Variants in DEUP1 observed in about 807,000 individuals in gnomAD.
The protein encoded by DEUP1 is coiled-coil domain containing 67.
DEUP1 carries 82 observed loss-of-function variants against 87.4 expected under a neutral mutation model. The observed-to-expected ratio is 0.94, with a 90% confidence interval of 0.78 to 1.13. The LOEUF is 1.13. DEUP1 is among the 50% of genes most tolerant of loss of function. The pLI is 0.00. For missense variants in DEUP1, 663 were observed against 681.5 expected (o/e 0.97, Z 0.30); for synonymous variants, 214 against 222.7 (o/e 0.96, Z 0.35).
chr11:93,437,060 C>T (rs1435694679), intron 13 of DEUP1, among the ~76,000 whole-genome samples: 2 of 152,144 alleles, frequency 1.3e-5, no homozygotes, highest in Non-Finnish European at 2.9e-5. Flanking sequence ...GCCACCTCCA[C>T]CCCAAGACAC....
At position 93,389,262 on chromosome 11, in the gene DEUP1, T is replaced by G. The variant is rs754903164; in HGVS notation, c.1041+137T>G. ...TTTGTAAGGTGATAATCTACCAAGCTGCTAATTCCGACATTTTTCTGTGTG... is the reference window on the plus strand; with the variant it reads ...TTTGTAAGGTGATAATCTACCAAGCGGCTAATTCCGACATTTTTCTGTGTG... On this transcript the variant is annotated intron_variant, in intron 9 of 13. Transcript: ENST00000298050. 129 of 626,896 alleles carry G rather than the reference T, an allele frequency of 2.1e-4. 1 individual carries two copies. The highest frequency in any genetic ancestry group is 8.1e-4 in the Middle Eastern group (2 of 2,458). 38.8% of individuals were successfully genotyped at this position (626,896 alleles called of 1,614,324 possible).
At position 93,355,353 on chromosome 11, in the gene DEUP1, C is replaced by T. The variant is rs1944845389; in HGVS notation, c.30-18C>T. 2.5e-6 allele frequency: 4 copies of T among 1,609,976 alleles called. No homozygotes were observed. The South Asian group carries it at 3.3e-5, about 13-fold the overall frequency. The stretch of plus-strand genomic sequence containing the variant: ...TTTCACTACTTTAAAATGTATTTTA[C>T]TTTCCTACAATTGCCAGAACTTCTC... On this transcript the variant is annotated intron_variant, in intron 2 of 13. Transcript: ENST00000298050.
intron 13 of DEUP1, chr11:93,415,336 T>C (rs1406676264): frequency 1.1e-5 from 3 of 280,256 alleles, no homozygotes; most frequent in African/African-American, 2.2e-5. Flanking sequence ...ATTATTAACC[T>C]CTAATGCAGG....
At chr11:93,383,474 T>C (rs2134315570) in intron 7 of DEUP1, 1 of 518,550 alleles carries the variant, frequency 1.9e-6, no homozygotes, top group Non-Finnish European at 3.4e-6. Flanking sequence ...AAGGGGAAAA[T>C]GGGGAGTGAC....
At chr11:93,396,950 C>T (rs376502497) in intron 11 of DEUP1, among the ~76,000 whole-genome samples, 1 of 151,938 alleles carries the variant, frequency 6.6e-6, no homozygotes, top group East Asian at 1.9e-4. Context: ...CTGTGCATCC[C>T]CTTTCAATTG....
intron 2 of DEUP1, among the ~76,000 whole-genome samples, chr11:93,340,268 A>T (rs563488363): frequency 6.6e-6 from 1 of 152,314 alleles, no homozygotes; most frequent in Admixed American, 6.5e-5. Flanking sequence ...AAAGTGAGAG[A>T]TGTAGACATC....
chr11:93,411,067 G>A (rs915908892), intron 12 of DEUP1: 1 of 152,200 alleles, frequency 6.6e-6, no homozygotes, highest in African/African-American at 2.4e-5. Context: ...AAATCCTACT[G>A]TGGGGAAAGA....
intron 2 of DEUP1, among the ~76,000 whole-genome samples, chr11:93,347,638 G>A (rs775089600): frequency 1.3e-5 from 2 of 152,130 alleles, no homozygotes; most frequent in Non-Finnish European, 2.9e-5. Context: ...AATCTTTCTG[G>A]TCCTGGGCTG....
At chr11:93,375,034 C>CTTTTTTTTTTT (rs60565734) in intron 7 of DEUP1, among the ~76,000 whole-genome samples, 1 of 126,592 alleles carries the variant, frequency 7.9e-6, no homozygotes, top group Non-Finnish European at 1.7e-5. Flanking sequence ...TTTTTCTTTT[C>CTTTTTTTTTTT]TTTTTTTTTT....
intron 5 of DEUP1, among the ~76,000 whole-genome samples, chr11:93,365,324 GT>G (rs1410032714): frequency 6.6e-6 from 1 of 151,938 alleles, no homozygotes; most frequent in African/African-American, 2.4e-5. Flanking sequence ...ATAATACATA[GT>G]TTTTTAAAAA....
chr11:93,350,998 T>G (rs1434338139), intron 2 of DEUP1, among the ~76,000 whole-genome samples: 1 of 148,064 alleles, frequency 6.8e-6, no homozygotes, highest in African/African-American at 2.5e-5. Flanking sequence ...ATATGAAAAT[T>G]TATTTTCATA....
At position 93,341,994 on chromosome 11, in the gene DEUP1, G is replaced by A. The variant is rs111308200; in HGVS notation, c.29+9706G>A. On this transcript the variant is annotated intron_variant, in intron 2 of 13. Transcript: ENST00000298050. ...AGGCCAGCATCTTCGGGTTTTTCTC[G>A]GCTTCATCCTCATCTCCTCTTTTTC... Among the ~76,000 whole-genome samples, 222 of 151,986 alleles carry A rather than the reference G, an allele frequency of 1.5e-3. 1 individual carries two copies. Among genetic ancestry groups the A allele is most frequent in the African/African-American group, 5.0e-3 (208 of 41,442 alleles).
In DEUP1 at chr11:93,393,024, C is replaced by CTCT. The variant is rs1946816703; in HGVS notation, c.1042-1435_1042-1434insTCT. Among the ~76,000 whole-genome samples the CTCT allele has an allele frequency of 2.2e-5, 3 of 133,550 alleles. No homozygotes were observed. The South Asian group carries it at 7.2e-4, about 32-fold the overall frequency. The allele number at this position is 133,550 out of a possible 152,430, so 87.6% of individuals were successfully genotyped here. A position where few individuals can be genotyped will look rare whatever the true frequency, so the allele number is the denominator to read the frequency against. ...TTCTTTCTCCTCCTCCTCCTCTGAGCCCTCCTCCTCCTCCTTCTACTTCTT... is the reference window on the plus strand; with the variant it reads ...TTCTTTCTCCTCCTCCTCCTCTGAGCTCTCCTCCTCCTCCTCCTTCTACTTCTT... On this transcript the variant is annotated intron_variant, in intron 9 of 13. Transcript: ENST00000298050.
intron 13 of DEUP1, among the ~76,000 whole-genome samples, chr11:93,428,184 T>G (rs1947989580): frequency 6.6e-6 from 1 of 151,954 alleles, no homozygotes; most frequent in Non-Finnish European, 1.5e-5. Context: ...AGCAAAGACT[T>G]GGAACCAACC....
chr11:93,356,826 C>A, intron 3 of DEUP1, 122 bp from the exon 4 acceptor site: 1 of 683,686 alleles, frequency 1.5e-6, no homozygotes, highest in Non-Finnish European at 2.6e-6. Context: ...AAGTGCAGTA[C>A]AAATATTTAC....
chr11:93,391,425 T>C (rs1305123230), intron 9 of DEUP1, among the ~76,000 whole-genome samples: 1 of 152,056 alleles, frequency 6.6e-6, no homozygotes, highest in East Asian at 1.9e-4. Context: ...AAAGTTCCAT[T>C]TTGGCCAGGT....
chr11:93,430,064 T>A lies in DEUP1; in HGVS notation c.1639-7479T>A, dbSNP rs184822497. The stretch of plus-strand genomic sequence containing the variant: ...AATGCACATTCTGAAGTATTCATCT[T>A]TCTTTCTTAATCTTGTTGTCTTGAT... On this transcript the variant is annotated intron_variant, in intron 13 of 13. Coordinates refer to ENST00000298050, the MANE Select transcript of DEUP1 (RefSeq NM_181645.4). Among the ~76,000 whole-genome samples, 60 of 152,304 alleles carry A rather than the reference T, an allele frequency of 3.9e-4. 1 individual carries two copies. Among genetic ancestry groups the A allele is most frequent in the African/African-American group, 1.4e-3 (58 of 41,582 alleles).
chr11:93,385,479 T>A lies in DEUP1; in HGVS notation c.871T>A (p.Leu291Met). The change falls in exon 8 of 14, where the codon TTG becomes ATG. Residue 291 changes from leucine (L) to methionine (M), a missense_variant. Leu to Met is a conservative substitution (Grantham distance 15, BLOSUM62 2). Coordinates refer to ENST00000298050, the MANE Select transcript of DEUP1 (RefSeq NM_181645.4). ...CTTGAGAATTATAGAAATGGAACGA[T>A]TGCAATTACACAGAGAATTATTAAA... ...DLLRIIEMER[L>M]QLHRELLKIG... 1 of 1,612,008 alleles carries A rather than the reference T, an allele frequency of 6.2e-7. No homozygotes were observed. Among genetic ancestry groups the A allele is most frequent in the Non-Finnish European group, 8.5e-7 (1 of 1,178,696 alleles).
At chr11:93,417,933 G>A (rs1424731223) in intron 13 of DEUP1, among the ~76,000 whole-genome samples, 1 of 151,138 alleles carries the variant, frequency 6.6e-6, no homozygotes, top group Admixed American at 6.6e-5. Flanking sequence ...AATGGGGAAA[G>A]GATTCCCTAT....
Sources: allele counts gnomAD v4.1 joint callset (sites outside exome capture counted in the v4.1 genomes callset), GRCh38; gene constraint gnomAD v4.1.1; transcripts MANE v1.5; gene names NCBI Gene and HGNC (gene_info 2026-07-23, HGNC 2026-07-21).